TRDN: variants seen among roughly 807,000 people sequenced by gnomAD.
The protein encoded by TRDN is triadin in skeletal muscle.
A neutral mutation model predicts 149.7 loss-of-function variants in TRDN; 161 were observed. The observed-to-expected ratio is 1.08, with a 90% CI of 0.95 to 1.23. The LOEUF (loss-of-function observed/expected upper bound fraction) is 1.23. Ranked by LOEUF, TRDN falls within the 50% of genes most tolerant of loss-of-function variation. TRDN has a pLI of 0.00. For missense variants in TRDN, 896 were observed against 823.5 expected (o/e 1.09, Z -1.08); for synonymous variants, 294 against 250.5 (o/e 1.17, Z -1.64).
chr6:123,621,200 G>A (rs371051207), intron 1 of TRDN, among the ~76,000 whole-genome samples: 1 of 152,204 alleles, frequency 6.6e-6, no homozygotes, highest in South Asian at 2.1e-4. Context: ...CTATCTCAGA[G>A]ACAAAACTCT....
intron 20 of TRDN, among the ~76,000 whole-genome samples, chr6:123,352,909 T>C (rs565965355): frequency 6.6e-6 from 1 of 152,014 alleles, no homozygotes; most frequent in Admixed American, 6.6e-5. Context: ...TTCCAGGTTA[T>C]TGCTGGAGTC....
At chr6:123,359,928 C>G (rs929695298) in intron 20 of TRDN, among the ~76,000 whole-genome samples, 48 of 152,136 alleles carry the variant, frequency 3.2e-4, no homozygotes, top group Non-Finnish European at 8.8e-5. Flanking sequence ...ATCTCCTGAC[C>G]TCATGATCCA....
At chr6:123,351,690 C>T (rs1055853327) in intron 21 of TRDN, 1 of 938,236 alleles carries the variant, frequency 1.1e-6, no homozygotes, top group African/African-American at 1.8e-5. Flanking sequence ...ATCTTAACTT[C>T]TGATATTAGG....
At chr6:123,398,518 T>C (rs1045416374) in intron 12 of TRDN, among the ~76,000 whole-genome samples, 8 of 152,236 alleles carry the variant, frequency 5.3e-5, no homozygotes, top group Admixed American at 3.9e-4. Flanking sequence ...AAAGAGCTGC[T>C]AAATCAAATT....
chr6:123,462,084 G>A (rs934666746), intron 10 of TRDN, among the ~76,000 whole-genome samples: 2 of 152,166 alleles, frequency 1.3e-5, no homozygotes, highest in Admixed American at 1.3e-4. Flanking sequence ...ATGATGTGAA[G>A]TGGTTATTGT....
chr6:123,307,619 T>C (rs1778660858), intron 24 of TRDN, among the ~76,000 whole-genome samples: 1 of 151,908 alleles, frequency 6.6e-6, no homozygotes, highest in Admixed American at 6.6e-5. Flanking sequence ...GATGACAGGG[T>C]TTTTGGTAAT....
intron 12 of TRDN, among the ~76,000 whole-genome samples, chr6:123,428,696 G>A (rs1231573290): frequency 6.6e-6 from 1 of 152,046 alleles, no homozygotes; most frequent in East Asian, 1.9e-4. Flanking sequence ...AATTACATAG[G>A]TCGGTGGTGT....
chr6:123,303,288 A>T (rs1441449063), intron 24 of TRDN, among the ~76,000 whole-genome samples: 1 of 146,972 alleles, frequency 6.8e-6, no homozygotes, highest in Non-Finnish European at 1.5e-5. Context: ...TTTTAAAAAA[A>T]TTATTAACCA....
At chr6:123,379,672 G>T (rs942490892) in intron 16 of TRDN, among the ~76,000 whole-genome samples, 2 of 152,086 alleles carry the variant, frequency 1.3e-5, no homozygotes, top group East Asian at 1.9e-4. Context: ...GTGCTAATTT[G>T]TTCATTATAT....
At position 123,279,075 on chromosome 6, in the gene TRDN, T is replaced by A. The variant is rs776206325; in HGVS notation, c.1518A>T (p.Glu506Asp). 6.2e-7 allele frequency: 1 copy of A among 1,607,994 alleles called. No homozygotes were observed. Among genetic ancestry groups the A allele is most frequent in the Admixed American group, 1.7e-5 (1 of 59,624 alleles). Reference sequence around the variant, plus strand: ...ACATACGTGGAGGTTTAGGCTTGACTTCTTTGCCTAGAAAAAAGTAAAAAA... The same window carrying A: ...ACATACGTGGAGGTTTAGGCTTGACATCTTTGCCTAGAAAAAAGTAAAAAA... ...KDEKMSKAGK[E>D]VKPKPPQLQG... Residue 506 changes from glutamate to aspartate, a missense_variant, in exon 25 of 41, where the codon GAA (glutamate) becomes GAT (aspartate). Glu to Asp is a conservative substitution (Grantham distance 45, BLOSUM62 2). Transcript: ENST00000334268.
intron 9 of TRDN, among the ~76,000 whole-genome samples, chr6:123,480,701 T>A (rs1004292916): frequency 2.0e-5 from 3 of 152,056 alleles, no homozygotes; most frequent in African/African-American, 7.2e-5. Context: ...GGAAAAATGG[T>A]TCCCAGAGGT....
At chr6:123,571,276 C>G in intron 1 of TRDN, 144 bp from the exon 2 acceptor site, 1 of 777,720 alleles carries the variant, frequency 1.3e-6, no homozygotes, top group South Asian at 1.9e-5. Context: ...ACAAAGCCTC[C>G]CTGCCCACTA....
At chr6:123,546,957 AT>A (rs1282704831) in intron 4 of TRDN, among the ~76,000 whole-genome samples, 10 of 152,096 alleles carry the variant, frequency 6.6e-5, no homozygotes, top group African/African-American at 1.4e-4. Context: ...GGCAAAAAAA[AT>A]AAAAGGAAAA....
chr6:123,283,103 T>C (rs1777640594), intron 24 of TRDN, among the ~76,000 whole-genome samples: 1 of 151,882 alleles, frequency 6.6e-6, no homozygotes, highest in African/African-American at 2.4e-5. Context: ...AAAATTGAAA[T>C]GATAACAAGT....
intron 10 of TRDN, among the ~76,000 whole-genome samples, chr6:123,456,347 A>G (rs1776119226): frequency 6.6e-6 from 1 of 152,216 alleles, no homozygotes; most frequent in South Asian, 2.1e-4. Flanking sequence ...GAGAGATTTT[A>G]CCGTCTCTTA....
rs35532885 is a variant in TRDN, at chr6:123,236,247, TTCTC to T, written c.1976-12120_1976-12117del. Among the ~76,000 whole-genome samples, 1,322 of 152,336 alleles carry T rather than the reference TTCTC, an allele frequency of 8.7e-3. 13 individuals are homozygous for T. Among genetic ancestry groups the T allele is most frequent in the African/African-American group, 0.03 (1,257 of 41,578 alleles). On this transcript the variant is annotated intron_variant, in intron 38 of 40. Transcript: ENST00000334268. ...TATATAATGGTGGCTTAGCTTGCAA[TTCTC>T]TAACAGCTAATAATGTCAAATATCT...
At chr6:123,247,221 C>T (rs1484702616) in intron 38 of TRDN, among the ~76,000 whole-genome samples, 8 of 152,190 alleles carry the variant, frequency 5.3e-5, no homozygotes, top group African/African-American at 1.9e-4. Context: ...CTCACCACTC[C>T]TATTTAACAT....
At chr6:123,486,767 G>C (rs1346600505) in intron 9 of TRDN, among the ~76,000 whole-genome samples, 4 of 151,908 alleles carry the variant, frequency 2.6e-5, no homozygotes, top group Non-Finnish European at 5.9e-5. Context: ...CATGAGGGCA[G>C]GTACCATACA....
chr6:123,492,385 G>A (rs1002787016), intron 9 of TRDN, among the ~76,000 whole-genome samples: 8 of 152,118 alleles, frequency 5.3e-5, no homozygotes, highest in African/African-American at 1.7e-4. Flanking sequence ...ACTTGTAGTG[G>A]ACATTTAAAT....
Sources: gnomAD v4.1 joint callset for allele counts (sites outside exome capture counted in the v4.1 genomes callset) on GRCh38, gnomAD v4.1.1 for gene constraint, MANE v1.5 for transcripts, NCBI Gene and HGNC (gene_info 2026-07-23, HGNC 2026-07-21) for gene names.